Variants in AFF2 observed in about 807,000 individuals in gnomAD.
The protein encoded by AFF2 is AF4/FMR2 family member 2.
Under a neutral mutation model 76.9 loss-of-function variants are expected in AFF2, and 14 were observed. The ratio of observed to expected loss-of-function variants is 0.18; its 90% CI spans 0.12 to 0.28. The LOEUF (loss-of-function observed/expected upper bound fraction) is 0.28. AFF2 is among the 10% of genes least tolerant of loss of function. The pLI is 1.00. For missense variants in AFF2, 868 were observed against 1,001.1 expected, an observed-to-expected ratio of 0.87 and a Z score of 1.79; for synonymous variants, 398 against 366.7, an observed-to-expected ratio of 1.09 and a Z score of -0.98.
intron 3 of AFF2, among the ~76,000 whole-genome samples, chrX:148,765,173 A>T (rs1472580152): frequency 1.8e-5 from 2 of 111,869 alleles, no homozygotes; most frequent in Non-Finnish European, 3.8e-5. Context: ...GGCATGAGCC[A>T]CCATGCCCGG....
intron 1 of AFF2, among the ~76,000 whole-genome samples, chrX:148,573,293 T>G (rs1243841775): frequency 4.5e-5 from 5 of 111,087 alleles, no homozygotes; most frequent in Non-Finnish European, 9.4e-5. Context: ...TCTGGGACCC[T>G]GATCCCCAGC....
At chrX:148,873,976 C>T (rs781908035) in intron 7 of AFF2, among the ~76,000 whole-genome samples, 1 of 111,729 alleles carries the variant, frequency 9.0e-6, no homozygotes, top group South Asian at 3.7e-4. Context: ...CTATTCTCCA[C>T]GTATCTATAT....
intron 1 of AFF2, among the ~76,000 whole-genome samples, chrX:148,512,503 AC>A (rs1557233263): frequency 8.9e-6 from 1 of 112,203 alleles, no homozygotes; most frequent in African/African-American, 3.2e-5. Flanking sequence ...AATTTGATCA[AC>A]CTATTTCAAA....
chrX:148,591,846 C>T (rs782289417), intron 1 of AFF2, among the ~76,000 whole-genome samples: 14 of 112,404 alleles, frequency 1.2e-4, no homozygotes, highest in African/African-American at 4.5e-4. Context: ...TATCATTTCT[C>T]ATCAGGGTAA....
intron 1 of AFF2, among the ~76,000 whole-genome samples, chrX:148,569,969 C>T (rs1254419499): frequency 3.6e-5 from 4 of 111,789 alleles, no homozygotes; most frequent in African/African-American, 1.3e-4. Context: ...CTCCATCTCA[C>T]TGGCTTGATT....
At chrX:148,809,781 G>T in intron 3 of AFF2, 95 bp from the exon 4 acceptor site, 1 of 889,484 alleles carries the variant, frequency 1.1e-6, no homozygotes, top group Non-Finnish European at 1.6e-6. Context: ...ATGATAGCTA[G>T]ATTTTCTTGC....
intron 7 of AFF2, among the ~76,000 whole-genome samples, chrX:148,883,305 C>A (rs781822972): frequency 5.4e-5 from 6 of 111,876 alleles, no homozygotes; most frequent in Admixed American, 2.8e-4. Flanking sequence ...ACAGAAACTT[C>A]TGCTTCTGAT....
intron 1 of AFF2, among the ~76,000 whole-genome samples, chrX:148,563,283 G>A (rs1360142196): frequency 1.2e-4 from 14 of 112,164 alleles, no homozygotes; most frequent in Admixed American, 1.1e-3. Context: ...AATGGGAAGC[G>A]TTTGGAGGAG....
chrX:148,582,607 A>G (rs1377671925), intron 1 of AFF2, among the ~76,000 whole-genome samples: 1 of 112,075 alleles, frequency 8.9e-6, no homozygotes, highest in Non-Finnish European at 1.9e-5. Flanking sequence ...ATGCTGAAAA[A>G]GTGGAGAAAT....
chrX:148,831,450 C>A (rs1557273315), intron 4 of AFF2, among the ~76,000 whole-genome samples: 1 of 112,036 alleles, frequency 8.9e-6, no homozygotes, highest in Non-Finnish European at 1.9e-5. Context: ...TCCATGAAAT[C>A]TTCACAATTT....
chrX:148,855,679 A>C (rs1557275839), intron 7 of AFF2, among the ~76,000 whole-genome samples: 1 of 112,047 alleles, frequency 8.9e-6, no homozygotes, highest in African/African-American at 3.2e-5. Flanking sequence ...CTGGAAAGCA[A>C]ATACAATGCA....
chrX:148,577,032 A>G (rs2053296536), intron 1 of AFF2, among the ~76,000 whole-genome samples: 1 of 111,662 alleles, frequency 9.0e-6, no homozygotes, highest in Non-Finnish European at 1.9e-5. Context: ...TTAATTTACA[A>G]TAAAATAGCA....
chrX:148,850,960 C>T (rs1281813019), intron 7 of AFF2, among the ~76,000 whole-genome samples: 1 of 112,266 alleles, frequency 8.9e-6, no homozygotes, highest in Non-Finnish European at 1.9e-5. Context: ...GAACATATAA[C>T]AGCAGTGTAG....
intron 9 of AFF2, among the ~76,000 whole-genome samples, chrX:148,944,779 T>C (rs1366006577): frequency 9.0e-6 from 1 of 110,605 alleles, no homozygotes; most frequent in Non-Finnish European, 1.9e-5. Flanking sequence ...CCATGTACCA[T>C]GGTGAGGTTG....
intron 3 of AFF2, among the ~76,000 whole-genome samples, chrX:148,781,317 G>A (rs1310310907): frequency 1.8e-5 from 2 of 112,479 alleles, no homozygotes; most frequent in African/African-American, 6.5e-5. Context: ...TGCTGAAGCT[G>A]CGCCCACAGC....
At chrX:148,720,265 T>C (rs1286855104) in intron 3 of AFF2, among the ~76,000 whole-genome samples, 2 of 110,691 alleles carry the variant, frequency 1.8e-5, no homozygotes, top group African/African-American at 6.6e-5. Context: ...GGTCTAGTTT[T>C]CTGGGAATGT....
At chrX:148,717,751 G>T (rs2055042701) in intron 3 of AFF2, among the ~76,000 whole-genome samples, 1 of 111,156 alleles carries the variant, frequency 9.0e-6, no homozygotes, top group South Asian at 3.8e-4. Context: ...GAACAGGAAG[G>T]AGGCAATGTG....
chrX:148,535,835 A>G (rs1345602602), intron 1 of AFF2, among the ~76,000 whole-genome samples: 4 of 111,543 alleles, frequency 3.6e-5, no homozygotes, highest in Non-Finnish European at 7.5e-5. Flanking sequence ...CAGCATTGGC[A>G]TGTTGTACAA....
At chrX:148,630,332 G>T (rs1243632296) in intron 1 of AFF2, among the ~76,000 whole-genome samples, 1 of 111,840 alleles carries the variant, frequency 8.9e-6, no homozygotes, top group Non-Finnish European at 1.9e-5. Flanking sequence ...TGATTTTCTG[G>T]ATAAATTTGG....
Sources: gnomAD v4.1 joint callset for allele counts (sites outside exome capture counted in the v4.1 genomes callset) on GRCh38, gnomAD v4.1.1 for gene constraint, MANE v1.5 for transcripts, NCBI Gene and HGNC (gene_info 2026-07-23, HGNC 2026-07-21) for gene names.